The following CEP70 variants were observed in gnomAD, a reference collection of about 807,000 sequenced individuals.
CEP70 encodes centrosomal protein 70.
A neutral mutation model predicts 90.9 loss-of-function variants in CEP70; 70 were observed. The observed-to-expected ratio is 0.77, with a 90% CI of 0.64 to 0.94. The LOEUF (loss-of-function observed/expected upper bound fraction) is 0.94. Ranked by LOEUF, CEP70 falls within the 40% of genes least tolerant of loss-of-function variation. The probability of loss-of-function intolerance (pLI) is 0.00; values close to 1 mark genes in which losing one functional copy is unlikely to be tolerated. For missense variants in CEP70, 648 were observed against 669.0 expected (o/e 0.97, Z 0.35); for synonymous variants, 220 against 228.3 (o/e 0.96, Z 0.33).
chr3:138,587,655 C>A (rs1189410745), intron 2 of CEP70, among the ~76,000 whole-genome samples: 2 of 150,550 alleles, frequency 1.3e-5, no homozygotes, highest in African/African-American at 4.9e-5. Context: ...TGGCATGAAC[C>A]TGTAGTCCTC....
At chr3:138,584,461 C>CA (rs35985463) in intron 2 of CEP70, among the ~76,000 whole-genome samples, 50,145 of 91,868 alleles carry the variant, frequency 0.55, 11,882 homozygotes, top group Admixed American at 0.65. Context: ...AAAGACATAT[C>CA]AAAAAAAAAA....
At chr3:138,497,050 T>G (rs1042863702) in intron 17 of CEP70, 2 of 1,031,492 alleles carry the variant, frequency 1.9e-6, no homozygotes, top group Non-Finnish European at 2.3e-6. Context: ...AACACACTTA[T>G]ACAGTTTCAT....
At chr3:138,523,306 AC>A (rs2036868615) in intron 11 of CEP70, among the ~76,000 whole-genome samples, 1 of 152,214 alleles carries the variant, frequency 6.6e-6, no homozygotes, top group Non-Finnish European at 1.5e-5. Flanking sequence ...TCCCTTTGAA[AC>A]CTGGCACAAG....
chr3:138,517,525 CA>C (rs1409354939), intron 11 of CEP70, among the ~76,000 whole-genome samples: 3 of 152,056 alleles, frequency 2.0e-5, no homozygotes, highest in African/African-American at 7.2e-5. Flanking sequence ...AAAAATTAGC[CA>C]GGGGTGGTGG....
intron 11 of CEP70, among the ~76,000 whole-genome samples, chr3:138,513,726 A>G (rs2035744365): frequency 6.6e-6 from 1 of 152,224 alleles, no homozygotes; most frequent in South Asian, 2.1e-4. Flanking sequence ...GAGTGGCTGT[A>G]GGATTTTGTT....
intron 7 of CEP70, among the ~76,000 whole-genome samples, chr3:138,535,261 A>G (rs1417420298): frequency 6.6e-6 from 1 of 152,040 alleles, no homozygotes; most frequent in Non-Finnish European, 1.5e-5. Flanking sequence ...ACCTCTTCCT[A>G]TTAATATTCT....
chr3:138,500,653 A>G lies in CEP70; in HGVS notation c.1368+82T>C, dbSNP rs1015543451. 4.0e-6 allele frequency: 6 copies of G among 1,495,138 alleles called. No individual in the cohort carries two copies. The African/African-American group carries it at 7.0e-5, about 18-fold the overall frequency. 92.6% of individuals were successfully genotyped at this position (1,495,138 alleles called of 1,614,324 possible). On this transcript the variant is annotated intron_variant, in intron 14 of 17. Coordinates refer to ENST00000264982, the MANE Select transcript of CEP70 (RefSeq NM_024491.4). ...ACTTTTAAAAGACAAATAGAACTCTAGTAGAACAAATATCAATATCCACAA... is the reference window on the plus strand; with the variant it reads ...ACTTTTAAAAGACAAATAGAACTCTGGTAGAACAAATATCAATATCCACAA...
chr3:138,574,656 C>T (rs2085447), intron 2 of CEP70, among the ~76,000 whole-genome samples: 6,434 of 152,274 alleles, frequency 0.042, 471 homozygotes, highest in East Asian at 0.38. Context: ...GGTCCCTGAC[C>T]TCCGTGTAGC....
At chr3:138,557,520 A>G (rs2040103060) in intron 6 of CEP70, among the ~76,000 whole-genome samples, 1 of 152,272 alleles carries the variant, frequency 6.6e-6, no homozygotes, top group South Asian at 2.1e-4. Flanking sequence ...TTATAGAAGT[A>G]TTAATTTGGG....
chr3:138,496,442 G>C (rs1025819230), intron 17 of CEP70: 1 of 984,880 alleles, frequency 1.0e-6, no homozygotes, highest in African/African-American at 1.7e-5. Flanking sequence ...CCCTTACATT[G>C]TGGTAAGGTA....
chr3:138,510,856 CTTTTTTTTT>C (rs869032871), intron 11 of CEP70, among the ~76,000 whole-genome samples: 2 of 107,020 alleles, frequency 1.9e-5, no homozygotes, highest in African/African-American at 3.2e-5. Context: ...CTTTTTCCAT[CTTTTTTTTT>C]TTTTTTTTTT....
At chr3:138,560,401 C>G (rs1254844704) in intron 6 of CEP70, among the ~76,000 whole-genome samples, 3 of 152,128 alleles carry the variant, frequency 2.0e-5, no homozygotes. Flanking sequence ...TCTATGCCAC[C>G]AGGGCCCTGG....
chr3:138,529,150 G>A, intron 10 of CEP70, 49 bp downstream of exon 10: 1 of 1,159,602 alleles, frequency 8.6e-7, no homozygotes, highest in Non-Finnish European at 1.3e-6. Context: ...GAGTGACAGA[G>A]TGAGACCCTG....
At chr3:138,518,898 A>T (rs2036324983) in intron 11 of CEP70, among the ~76,000 whole-genome samples, 1 of 152,186 alleles carries the variant, frequency 6.6e-6, no homozygotes, top group Admixed American at 6.5e-5. Flanking sequence ...TAAAGGAGGA[A>T]GTTTGAACCC....
At chr3:138,524,575 C>A (rs2037017066) in intron 11 of CEP70, among the ~76,000 whole-genome samples, 1 of 152,010 alleles carries the variant, frequency 6.6e-6, no homozygotes, top group Non-Finnish European at 1.5e-5. Context: ...AGAAAAAAAC[C>A]AAACAACCCC....
intron 6 of CEP70, among the ~76,000 whole-genome samples, chr3:138,561,424 C>T (rs544672638): frequency 1.8e-4 from 28 of 152,106 alleles, no homozygotes; most frequent in African/African-American, 5.1e-4. Context: ...GATAAATCTA[C>T]GAAGATGGGG....
At chr3:138,518,849 T>A (rs2036319121) in intron 11 of CEP70, among the ~76,000 whole-genome samples, 1 of 152,064 alleles carries the variant, frequency 6.6e-6, no homozygotes, top group Non-Finnish European at 1.5e-5. Flanking sequence ...TTTGACGAGT[T>A]GAGAGAAGAA....
intron 6 of CEP70, among the ~76,000 whole-genome samples, chr3:138,561,748 G>A (rs1233633641): frequency 3.3e-5 from 5 of 152,026 alleles, no homozygotes; most frequent in East Asian, 1.9e-4. Flanking sequence ...GAAGCTGGCC[G>A]GGTGCGGTGG....
intron 16 of CEP70, among the ~76,000 whole-genome samples, chr3:138,499,357 T>A (rs77397009): frequency 0.02 from 3,007 of 152,080 alleles, 37 homozygotes; most frequent in Non-Finnish European, 0.028. Context: ...TTTTAAAAAC[T>A]CCTCAACATT....
Sources: gnomAD v4.1 joint callset for allele counts (sites outside exome capture counted in the v4.1 genomes callset) on GRCh38, gnomAD v4.1.1 for gene constraint, MANE v1.5 for transcripts, NCBI Gene and HGNC (gene_info 2026-07-23, HGNC 2026-07-21) for gene names.